Variants in ANKFN1 observed in about 807,000 individuals in gnomAD.
ANKFN1 encodes the protein ankyrin repeat and fibronectin type III domain containing 1, also known as ankyrin repeat and fibronectin type-III domain-containing protein 1.
Under a neutral mutation model 108.7 loss-of-function variants are expected in ANKFN1, and 74 were observed. That is an observed-to-expected ratio of 0.68 (90% CI 0.56 to 0.83). ANKFN1 has a LOEUF of 0.83. Ranked by LOEUF, ANKFN1 falls within the 40% of genes least tolerant of loss-of-function variation. The pLI is 0.00. For synonymous variants in ANKFN1, 547 were observed against 516.2 expected (o/e 1.06, Z -0.81); for missense variants, 1,505 against 1,382.3 (o/e 1.09, Z -1.41).
intron 8 of ANKFN1, among the ~76,000 whole-genome samples, chr17:56,393,402 G>C (rs951566110): frequency 6.6e-6 from 1 of 152,162 alleles, no homozygotes; most frequent in Non-Finnish European, 1.5e-5. Context: ...TACATCCTCT[G>C]TAACACTTCA....
intron 4 of ANKFN1, among the ~76,000 whole-genome samples, chr17:56,123,612 A>G: frequency 6.6e-6 from 1 of 152,222 alleles, no homozygotes; most frequent in East Asian, 1.9e-4. Context: ...ATTGTAAGTG[A>G]AAAGCACATT....
chr17:56,459,817 A>G (rs535576352), intron 14 of ANKFN1, among the ~76,000 whole-genome samples: 1 of 152,260 alleles, frequency 6.6e-6, no homozygotes, highest in South Asian at 2.1e-4. Context: ...GACCCTACTC[A>G]ACTACTCCCA....
chr17:56,108,802 A>G (rs932446448), intron 4 of ANKFN1, among the ~76,000 whole-genome samples: 5 of 152,224 alleles, frequency 3.3e-5, no homozygotes, highest in African/African-American at 4.8e-5. Context: ...GCAAAATATT[A>G]CAATGTTGAG....
At chr17:56,250,758 T>C (rs2144055213) in intron 3 of ANKFN1, among the ~76,000 whole-genome samples, 1 of 152,360 alleles carries the variant, frequency 6.6e-6, no homozygotes, top group Middle Eastern at 3.4e-3. Flanking sequence ...TTTAAAATGG[T>C]ATAACTATCA....
At chr17:56,094,512 G>A (rs1364355357) in intron 4 of ANKFN1, among the ~76,000 whole-genome samples, 2 of 45,022 alleles carry the variant, frequency 4.4e-5, no homozygotes, top group African/African-American at 1.5e-4. Flanking sequence ...GCGAAGTCTT[G>A]TTTTGTCGCC....
chr17:56,144,282 T>C (rs978332949), intron 4 of ANKFN1, among the ~76,000 whole-genome samples: 1 of 150,772 alleles, frequency 6.6e-6, no homozygotes, highest in Non-Finnish European at 1.5e-5. Flanking sequence ...GGTGAAATCA[T>C]GAAGGGCTCC....
intron 1 of ANKFN1, among the ~76,000 whole-genome samples, chr17:56,154,322 T>G (rs530435521): frequency 6.6e-6 from 1 of 152,270 alleles, no homozygotes; most frequent in East Asian, 1.9e-4. Flanking sequence ...TTCAGCTACT[T>G]CACTTCCCCT....
At position 56,170,803 on chromosome 17, in the gene ANKFN1, T is replaced by TACACACACACACACACACACAC. The variant is rs1160259097; in HGVS notation, c.-71+17274_-71+17275insCACACACACACACACACACACA. 9.1e-3 allele frequency among the ~76,000 whole-genome samples: 615 copies of TACACACACACACACACACACAC among 67,736 alleles called. 4 individuals carry two copies. Among genetic ancestry groups the TACACACACACACACACACACAC allele is most frequent in the Non-Finnish European group, 0.014 (454 of 31,634 alleles). 44.4% of individuals were successfully genotyped at this position (67,736 alleles called of 152,430 possible). On this transcript the variant is annotated intron_variant, in intron 1 of 20. Coordinates refer to ENST00000682825, the MANE Select transcript of ANKFN1 (RefSeq NM_001370326.1). ...ATATATATATATATATATATATATA[T>TACACACACACACACACACACAC]ATATACACACACACACACACACACA...
chr17:56,329,829 C>T (rs117442989), intron 4 of ANKFN1, among the ~76,000 whole-genome samples: 1 of 152,104 alleles, frequency 6.6e-6, no homozygotes, highest in Non-Finnish European at 1.5e-5. Flanking sequence ...GTCATAAGAA[C>T]CCTGCCCTCA....
At chr17:56,334,720 T>C (rs996713462) in intron 4 of ANKFN1, among the ~76,000 whole-genome samples, 1 of 152,040 alleles carries the variant, frequency 6.6e-6, no homozygotes, top group African/African-American at 2.4e-5. Context: ...AGTTAAAAAG[T>C]CAAAACATAA....
chr17:56,510,529 A>T lies in ANKFN1; in HGVS notation c.2701A>T (p.Ser901Cys). The stretch of plus-strand genomic sequence containing the variant: ...CTCAGAAGTCTTCCTCCCCACCAAC[A>T]GTGACTACGACTCCAGCGATGCCCT... ...ACSEVFLPTNSDYDSSDALSP... is the reference protein window; with the variant it reads ...ACSEVFLPTNCDYDSSDALSP... The change falls in exon 21 of 21, where the codon AGT becomes TGT. Residue 901 changes from serine (S) to cysteine (C), a missense_variant. Transcript: ENST00000682825. 1 of 1,536,186 alleles carries T rather than the reference A, an allele frequency of 6.5e-7. No individual in the cohort carries two copies. The highest frequency in any genetic ancestry group is 8.7e-7 in the Non-Finnish European group (1 of 1,146,908).
chr17:56,214,108 A>G lies in ANKFN1; in HGVS notation c.12+1429A>G, dbSNP rs183535185. On this transcript the variant is annotated intron_variant, in intron 2 of 20. Transcript: ENST00000682825. ...TAACACAAACTAGAATGTATTTGGG[A>G]GCAGAAGCACAATTAGCCTGTATTT... Among the ~76,000 whole-genome samples the G allele has an allele frequency of 5.9e-5, 9 of 152,318 alleles. No individual in the cohort carries two copies. In the East Asian group the frequency reaches 1.7e-3, roughly 29 times the overall value.
intron 1 of ANKFN1, among the ~76,000 whole-genome samples, chr17:56,158,089 C>T (rs2143481811): frequency 6.6e-6 from 1 of 152,304 alleles, no homozygotes; most frequent in Middle Eastern, 3.4e-3. Context: ...CCCACTGATC[C>T]AATGAACAGA....
intron 4 of ANKFN1, among the ~76,000 whole-genome samples, chr17:56,056,701 G>T (rs1335729029): frequency 1.3e-5 from 2 of 152,182 alleles, no homozygotes; most frequent in East Asian, 3.8e-4. Flanking sequence ...TTAAATGTAA[G>T]ACCTGAAACT....
chr17:56,217,770 G>A (rs1915528024), intron 2 of ANKFN1, among the ~76,000 whole-genome samples: 1 of 152,060 alleles, frequency 6.6e-6, no homozygotes, highest in South Asian at 2.1e-4. Flanking sequence ...ATTTTTTTCA[G>A]CATACTATGT....
chr17:56,357,983 T>A (rs979003416), intron 6 of ANKFN1, among the ~76,000 whole-genome samples: 5 of 152,130 alleles, frequency 3.3e-5, no homozygotes, highest in Admixed American at 1.3e-4. Flanking sequence ...AGTTAATAGG[T>A]GGTGCAGTCA....
chr17:56,362,481 C>CA (rs2144724800), intron 6 of ANKFN1, among the ~76,000 whole-genome samples: 1 of 152,166 alleles, frequency 6.6e-6, no homozygotes. Context: ...ACAAAGTTAC[C>CA]AAAAACATAC....
At chr17:56,159,635 A>G (rs761406982) in intron 1 of ANKFN1, among the ~76,000 whole-genome samples, 4 of 152,158 alleles carry the variant, frequency 2.6e-5, no homozygotes, top group Non-Finnish European at 5.9e-5. Context: ...TTGGAGACAC[A>G]CTCTAACCTC....
intron 4 of ANKFN1, among the ~76,000 whole-genome samples, chr17:56,054,383 C>T (rs1241241450): frequency 6.6e-6 from 1 of 152,186 alleles, no homozygotes; most frequent in Admixed American, 6.5e-5. Context: ...GCAACTTGTC[C>T]TGGGTCGTAG....
Sources: gnomAD v4.1 joint callset for allele counts (sites outside exome capture counted in the v4.1 genomes callset) on GRCh38, gnomAD v4.1.1 for gene constraint, MANE v1.5 for transcripts, NCBI Gene and HGNC (gene_info 2026-07-23, HGNC 2026-07-21) for gene names.